The following ERICH1 variants were observed in gnomAD, a reference collection of about 807,000 sequenced individuals.
ERICH1 encodes glutamate-rich protein 1.
In ERICH1, 56 loss-of-function variants were observed where a neutral mutation model predicts 39.6. That is an observed-to-expected ratio of 1.41 (90% confidence interval 1.14 to 1.77). The LOEUF (loss-of-function observed/expected upper bound fraction) is 1.77, where lower values mean the gene tolerates loss of function less well. Ranked by LOEUF, ERICH1 falls within the 40% of genes most tolerant of loss-of-function variation. The pLI, the probability that ERICH1 is intolerant of heterozygous loss-of-function variation, is 0.00. For missense variants in ERICH1, 826 were observed against 575.4 expected, an observed-to-expected ratio of 1.44 and a Z score of -4.45; for synonymous variants, 313 against 223.6, an observed-to-expected ratio of 1.40 and a Z score of -3.57.
chr8:719,127 T>C (rs1446654789), intron 1 of ERICH1, among the ~76,000 whole-genome samples: 1 of 151,820 alleles, frequency 6.6e-6, no homozygotes, highest in African/African-American at 2.4e-5. Flanking sequence ...AGCCCGACCC[T>C]CGGGGCTTTG....
intron 1 of ERICH1, among the ~76,000 whole-genome samples, chr8:718,623 G>C (rs1013929896): frequency 1.3e-5 from 2 of 152,232 alleles, no homozygotes; most frequent in Non-Finnish European, 2.9e-5. Flanking sequence ...GGGTTTCTCA[G>C]GGATAACTGA....
At chr8:711,126 A>C (rs1347085876) in intron 2 of ERICH1, among the ~76,000 whole-genome samples, 1 of 152,218 alleles carries the variant, frequency 6.6e-6, no homozygotes, top group African/African-American at 2.4e-5. Flanking sequence ...ACATCTTTAC[A>C]TAGGATTATT....
chr8:687,476 G>A (rs891240669), intron 3 of ERICH1, among the ~76,000 whole-genome samples: 2 of 152,252 alleles, frequency 1.3e-5, no homozygotes, highest in African/African-American at 4.8e-5. Flanking sequence ...AACGCTAAGC[G>A]TGTGGGTCCA....
chr8:711,141 A>C (rs1302180509), intron 2 of ERICH1, among the ~76,000 whole-genome samples: 1 of 152,210 alleles, frequency 6.6e-6, no homozygotes, highest in Non-Finnish European at 1.5e-5. Context: ...ATTATTTGCC[A>C]TCTACATATT....
chr8:646,735 G>C lies in ERICH1; in HGVS notation c.976+21863C>G, dbSNP rs1385187112. ...CCCAGCCTCCCCTGCACCTGCACTTGCTTGTCATGAAGAAGACGGCAAAGG... is the reference window on the plus strand; with the variant it reads ...CCCAGCCTCCCCTGCACCTGCACTTCCTTGTCATGAAGAAGACGGCAAAGG... On this transcript the variant is annotated intron_variant, in intron 3 of 3. Transcript: ENST00000522706. 7.3e-5 allele frequency among the ~76,000 whole-genome samples: 5 copies of C among 68,524 alleles called. 1 individual carries two copies. The highest frequency in any genetic ancestry group is 1.8e-4 in the African/African-American group (5 of 27,224). 45.0% of individuals were successfully genotyped at this position (68,524 alleles called of 152,430 possible).
chr8:673,259 T>C (rs750913852), intron 4 of ERICH1, 30 bp downstream of exon 4: 1 of 1,564,812 alleles, frequency 6.4e-7, no homozygotes, highest in Non-Finnish European at 8.7e-7. Flanking sequence ...TGGATGTCAC[T>C]ATGCAAGAGA....
At chr8:725,931 G>A (rs1001447429) in intron 1 of ERICH1, 1 of 152,308 alleles carries the variant, frequency 6.6e-6, no homozygotes, top group East Asian at 1.9e-4. Flanking sequence ...CTTGAAGATG[G>A]GAAAAGAGGT....
intron 2 of ERICH1, among the ~76,000 whole-genome samples, chr8:710,759 T>C (rs754295347): frequency 2.6e-5 from 4 of 152,254 alleles, no homozygotes; most frequent in Non-Finnish European, 5.9e-5. Context: ...TACCACAATT[T>C]GCTTATTCAT....
intron 1 of ERICH1, among the ~76,000 whole-genome samples, chr8:720,895 T>A: frequency 6.6e-6 from 1 of 152,168 alleles, no homozygotes; most frequent in East Asian, 1.9e-4. Flanking sequence ...CTCTGACCCC[T>A]GCTACTTCTG....
At chr8:660,445 T>C (rs1801253766), downstream of ERICH1, among the ~76,000 whole-genome samples, 1 of 152,166 alleles carries the variant, frequency 6.6e-6, no homozygotes, top group Admixed American at 6.5e-5. Flanking sequence ...TGCCTTGAGG[T>C]GTGGCAGCGG....
intron 2 of ERICH1, among the ~76,000 whole-genome samples, chr8:703,817 T>C (rs1812691138): frequency 6.6e-6 from 1 of 152,170 alleles, no homozygotes; most frequent in African/African-American, 2.4e-5. Flanking sequence ...AGACTCAATG[T>C]CTGAATGACA....
At chr8:711,861 T>A (rs866766767) in intron 2 of ERICH1, among the ~76,000 whole-genome samples, 5 of 152,240 alleles carry the variant, frequency 3.3e-5, no homozygotes, top group African/African-American at 4.8e-5. Flanking sequence ...TTTTTATGCA[T>A]GTGGATGTCT....
chr8:619,276 C>G (rs1026112721), intron 3 of ERICH1, among the ~76,000 whole-genome samples: 2 of 152,036 alleles, frequency 1.3e-5, no homozygotes, highest in Admixed American at 6.6e-5. Flanking sequence ...ACAAGGAGGC[C>G]CCGGTGAGAC....
intron 3 of ERICH1, among the ~76,000 whole-genome samples, chr8:621,998 T>G (rs2117037442): frequency 6.6e-6 from 1 of 152,282 alleles, no homozygotes; most frequent in South Asian, 2.1e-4. Flanking sequence ...GACGATCCCT[T>G]GAGGCCAGTA....
intron 2 of ERICH1, among the ~76,000 whole-genome samples, chr8:715,312 C>T (rs144900340): frequency 3.8e-4 from 58 of 152,278 alleles, no homozygotes; most frequent in African/African-American, 1.3e-3. Flanking sequence ...TGTCTCTCAG[C>T]GGGGTCCTCT....
chr8:693,781 A>G (rs1386200371), intron 2 of ERICH1, among the ~76,000 whole-genome samples: 2 of 151,362 alleles, frequency 1.3e-5, no homozygotes, highest in Admixed American at 6.6e-5. Context: ...GTGCCCCTCT[A>G]CCAGAGGTCA....
intron 1 of ERICH1, among the ~76,000 whole-genome samples, chr8:718,970 C>T (rs1472352412): frequency 6.6e-6 from 1 of 152,050 alleles, no homozygotes; most frequent in African/African-American, 2.4e-5. Context: ...GCGCTCCCAT[C>T]TGTACCCAGG....
chr8:721,715 G>C (rs958698548), intron 1 of ERICH1, among the ~76,000 whole-genome samples: 1 of 152,148 alleles, frequency 6.6e-6, no homozygotes, highest in Non-Finnish European at 1.5e-5. Flanking sequence ...GTCTTCCAAC[G>C]GGCCAGCTCT....
At chr8:673,159 G>C in intron 4 of ERICH1, 130 bp downstream of exon 4, 1 of 1,120,198 alleles carries the variant, frequency 8.9e-7, no homozygotes, top group Non-Finnish European at 1.2e-6. Flanking sequence ...TATATTAGTT[G>C]CCTTACAACT....
Sources: allele counts gnomAD v4.1 joint callset (sites outside exome capture counted in the v4.1 genomes callset), GRCh38; gene constraint gnomAD v4.1.1; transcripts MANE v1.5; gene names NCBI Gene and HGNC (gene_info 2026-07-23, HGNC 2026-07-21).